LPAR1: variants seen among roughly 807,000 people sequenced by gnomAD.
LPAR1 encodes the protein lysophosphatidic acid receptor 1, also known as LPA receptor 1.
A neutral mutation model predicts 23.8 loss-of-function variants in LPAR1; 5 were observed. The ratio of observed to expected loss-of-function variants is 0.21; its 90% CI spans 0.11 to 0.44. LPAR1 has a LOEUF of 0.44. Ranked by LOEUF, LPAR1 falls within the 20% of genes least tolerant of loss-of-function variation. LPAR1 has a pLI of 0.99. For missense variants in LPAR1, 311 were observed against 482.8 expected (o/e 0.64, Z 3.33); for synonymous variants, 160 against 164.7 (o/e 0.97, Z 0.22).
At chr9:110,922,027 A>T (rs2093664121) in intron 5 of LPAR1, among the ~76,000 whole-genome samples, 1 of 152,252 alleles carries the variant, frequency 6.6e-6, no homozygotes, top group Non-Finnish European at 1.5e-5. Flanking sequence ...GTGAGTATGC[A>T]GAGAGCGGAC....
At chr9:111,009,369 G>A (rs1054863873) in intron 2 of LPAR1, among the ~76,000 whole-genome samples, 1 of 151,236 alleles carries the variant, frequency 6.6e-6, no homozygotes, top group African/African-American at 2.4e-5. Context: ...TCAGGAATGA[G>A]ATTTAAAAAA....
chr9:110,875,580 G>A lies in LPAR1; in HGVS notation c.936C>T (p.Ser312=). Residue 312 remains serine (S), a synonymous_variant, in exon 6 of 6, where the codon TCC becomes TCT. Transcript: ENST00000683809. ...TGGCGCTCATTTCTTTGTCGCGGTAGGAGTAAATGATGGGGTTCATGGCAG... is the reference window on the plus strand; with the variant it reads ...TGGCGCTCATTTCTTTGTCGCGGTAAGAGTAAATGATGGGGTTCATGGCAG... The part of the protein sequence containing the change: ...FNSAMNPIIY[S]YRDKEMSATF... 6.2e-7 allele frequency: 1 copy of A among 1,614,092 alleles called. No individual in the cohort carries two copies. The highest frequency in any genetic ancestry group is 2.2e-5 in the East Asian group (1 of 44,858).
intron 2 of LPAR1, among the ~76,000 whole-genome samples, chr9:110,998,300 T>G (rs2097058817): frequency 6.6e-6 from 1 of 152,224 alleles, no homozygotes; most frequent in Non-Finnish European, 1.5e-5. Flanking sequence ...TTAAGTGCTT[T>G]TAATACCTGG....
intron 1 of LPAR1, among the ~76,000 whole-genome samples, chr9:111,036,796 T>C (rs1318619649): frequency 6.6e-6 from 1 of 152,122 alleles, no homozygotes. Flanking sequence ...CAGACAAGTA[T>C]CAAGAAAAAA....
At chr9:110,917,776 T>A (rs1320437518) in intron 5 of LPAR1, among the ~76,000 whole-genome samples, 1 of 152,244 alleles carries the variant, frequency 6.6e-6, no homozygotes, top group Non-Finnish European at 1.5e-5. Flanking sequence ...CTTCATTAAC[T>A]GCTAGAAAGT....
At chr9:110,893,413 T>C (rs1341571527) in intron 5 of LPAR1, among the ~76,000 whole-genome samples, 1 of 152,238 alleles carries the variant, frequency 6.6e-6, no homozygotes, top group African/African-American at 2.4e-5. Flanking sequence ...TGCTCTATCA[T>C]ATTTACCCAC....
intron 5 of LPAR1, among the ~76,000 whole-genome samples, chr9:110,880,165 G>A (rs150046552): frequency 3.3e-5 from 5 of 152,272 alleles, no homozygotes; most frequent in African/African-American, 7.2e-5. Context: ...AAACAGATCC[G>A]TGGGTTGTTC....
intron 2 of LPAR1, among the ~76,000 whole-genome samples, chr9:110,992,645 C>A (rs1484840775): frequency 6.6e-6 from 1 of 152,052 alleles, no homozygotes; most frequent in Non-Finnish European, 1.5e-5. Flanking sequence ...CAGAAGACTA[C>A]CCAGCAATAA....
chr9:110,982,328 G>T (rs909211707), intron 2 of LPAR1, among the ~76,000 whole-genome samples: 3 of 152,106 alleles, frequency 2.0e-5, no homozygotes, highest in African/African-American at 7.2e-5. Context: ...CCTTTTCAGG[G>T]ACATGGATGA....
chr9:110,975,604 T>A (rs1444990207), intron 2 of LPAR1, among the ~76,000 whole-genome samples: 1 of 152,192 alleles, frequency 6.6e-6, no homozygotes, highest in East Asian at 1.9e-4. Flanking sequence ...GGAAAGCACA[T>A]GGAATCTTTA....
chr9:110,927,115 C>T (rs1011597549), intron 5 of LPAR1, among the ~76,000 whole-genome samples: 3 of 152,114 alleles, frequency 2.0e-5, no homozygotes, highest in Non-Finnish European at 4.4e-5. Flanking sequence ...AAGAAGTTGT[C>T]GTAAAGGTTA....
At chr9:110,900,270 A>G (rs1272278534) in intron 5 of LPAR1, among the ~76,000 whole-genome samples, 1 of 152,160 alleles carries the variant, frequency 6.6e-6, no homozygotes, top group Non-Finnish European at 1.5e-5. Flanking sequence ...TCCACTGCTC[A>G]TGGACCCTTC....
chr9:111,034,440 C>T (rs2097855291), intron 2 of LPAR1, among the ~76,000 whole-genome samples: 1 of 152,194 alleles, frequency 6.6e-6, no homozygotes, highest in African/African-American at 2.4e-5. Flanking sequence ...AGCTCTGTGC[C>T]TGCAGAATGA....
At chr9:111,009,988 T>G (rs2097296759) in intron 2 of LPAR1, among the ~76,000 whole-genome samples, 1 of 142,730 alleles carries the variant, frequency 7.0e-6, no homozygotes, top group Non-Finnish European at 1.5e-5. Context: ...TCTCATTTCA[T>G]AATTAGGAAA....
intron 4 of LPAR1, among the ~76,000 whole-genome samples, chr9:110,949,491 C>T (rs1274521850): frequency 6.6e-6 from 1 of 152,134 alleles, no homozygotes; most frequent in Admixed American, 6.5e-5. Flanking sequence ...GAAGGTAATC[C>T]TCTTCCCTTG....
chr9:110,964,611 T>C (rs2096129959), intron 4 of LPAR1, among the ~76,000 whole-genome samples: 1 of 151,982 alleles, frequency 6.6e-6, no homozygotes. Context: ...TTTATTTTTG[T>C]GAATGTCTGA....
intron 5 of LPAR1, among the ~76,000 whole-genome samples, chr9:110,902,484 G>T (rs529309098): frequency 2.0e-5 from 3 of 152,164 alleles, no homozygotes; most frequent in Admixed American, 6.5e-5. Flanking sequence ...GAAGAAGGAC[G>T]TGTTTGCTTC....
At chr9:110,888,728 C>T (rs973521483) in intron 5 of LPAR1, among the ~76,000 whole-genome samples, 3 of 152,146 alleles carry the variant, frequency 2.0e-5, no homozygotes, top group Non-Finnish European at 2.9e-5. Flanking sequence ...TAGAAACTCA[C>T]GCAGTAAATC....
intron 5 of LPAR1, among the ~76,000 whole-genome samples, chr9:110,882,741 CG>C (rs1482885729): frequency 6.6e-6 from 1 of 151,192 alleles, no homozygotes; most frequent in Non-Finnish European, 1.5e-5. Context: ...GAGTAGGGGA[CG>C]GTGCTTTGGT....
Sources: allele counts gnomAD v4.1 joint callset (sites outside exome capture counted in the v4.1 genomes callset), GRCh38; gene constraint gnomAD v4.1.1; transcripts MANE v1.5; gene names NCBI Gene and HGNC (gene_info 2026-07-23, HGNC 2026-07-21).